ATAD2B: variants seen among roughly 807,000 people sequenced by gnomAD.
ATAD2B encodes the protein ATPase family AAA domain-containing protein 2B.
ATAD2B carries 40 observed loss-of-function variants against 167.6 expected under a neutral mutation model. That is an observed-to-expected ratio of 0.24 (90% confidence interval 0.19 to 0.31). The LOEUF is 0.31. ATAD2B is among the 10% of genes least tolerant of loss of function. The pLI is 1.00. For missense variants in ATAD2B, 1,242 were observed against 1,757.2 expected, an observed-to-expected ratio of 0.71 and a Z score of 5.24; for synonymous variants, 579 against 596.5, an observed-to-expected ratio of 0.97 and a Z score of 0.43.
chr2:23,698,675 G>A, the ATAD2B span, among the ~76,000 whole-genome samples: 1 of 152,070 alleles, frequency 6.6e-6, no homozygotes, highest in African/African-American at 2.4e-5. Flanking sequence ...ATAAATAACC[G>A]GGTCTAATAT....
intron 19 of ATAD2B, among the ~76,000 whole-genome samples, chr2:23,792,480 AAG>A (rs1218213363): frequency 6.6e-6 from 1 of 152,058 alleles, no homozygotes; most frequent in Non-Finnish European, 1.5e-5. Flanking sequence ...AAAAAAAAAA[AAG>A]AACTTAAGAT....
downstream of ATAD2B, among the ~76,000 whole-genome samples, chr2:23,743,856 G>A (rs964568483): frequency 6.6e-6 from 1 of 151,876 alleles, no homozygotes; most frequent in African/African-American, 2.4e-5. Flanking sequence ...TGAACTCCTG[G>A]GCTCAAGGAT....
intron 2 of ATAD2B, among the ~76,000 whole-genome samples, chr2:23,889,324 T>C (rs904360468): frequency 6.6e-6 from 1 of 151,928 alleles, no homozygotes. Flanking sequence ...CGTGCCACCA[T>C]GTCCGGCTAA....
intron 7 of ATAD2B, among the ~76,000 whole-genome samples, chr2:23,878,931 G>A (rs1697446716): frequency 6.6e-6 from 1 of 152,184 alleles, no homozygotes; most frequent in South Asian, 2.1e-4. Flanking sequence ...ATGAAAAGAT[G>A]CTCCAACACC....
chr2:23,691,371 C>T, the ATAD2B span: 1 of 427,320 alleles, frequency 2.3e-6, no homozygotes, highest in South Asian at 2.2e-5. Context: ...GTATTGTTTC[C>T]CTTTGAGGCC....
intron 1 of ATAD2B, among the ~76,000 whole-genome samples, chr2:23,916,387 C>G (rs1191476601): frequency 1.3e-5 from 2 of 152,148 alleles, no homozygotes; most frequent in African/African-American, 4.8e-5. Flanking sequence ...CTACCAAAAA[C>G]AAAACACAAT....
chr2:23,704,642 C>G, the ATAD2B span, among the ~76,000 whole-genome samples: 25 of 152,316 alleles, frequency 1.6e-4, no homozygotes, highest in African/African-American at 5.8e-4. Context: ...TGGCATGTGC[C>G]TGTAATCCCA....
intron 1 of ATAD2B, chr2:23,900,544 T>C (rs1205029714): frequency 1.3e-5 from 2 of 152,250 alleles, no homozygotes; most frequent in Non-Finnish European, 2.9e-5. Flanking sequence ...ATTAGAAATG[T>C]AGAATCTCAG....
chr2:23,863,349 A>C (rs763869203), intron 12 of ATAD2B, 32 bp downstream of exon 12: 1 of 1,542,148 alleles, frequency 6.5e-7, no homozygotes, highest in Non-Finnish European at 8.7e-7. Context: ...AACAGAACAG[A>C]AAAGACTCTT....
intron 13 of ATAD2B, among the ~76,000 whole-genome samples, chr2:23,843,408 A>G (rs1023404384): frequency 6.6e-6 from 1 of 152,256 alleles, no homozygotes; most frequent in Non-Finnish European, 1.5e-5. Context: ...TGTTGAAAGT[A>G]AAAGATACAG....
intron 20 of ATAD2B, chr2:23,788,296 G>T: frequency 1.9e-6 from 1 of 513,302 alleles, no homozygotes; most frequent in Non-Finnish European, 3.5e-6. Flanking sequence ...GAAGTCATAA[G>T]AAGAAGTCCT....
chr2:23,816,272 CTT>C (rs1686438066), intron 17 of ATAD2B, among the ~76,000 whole-genome samples: 1 of 152,148 alleles, frequency 6.6e-6, no homozygotes, highest in Non-Finnish European at 1.5e-5. Context: ...TGTATACACT[CTT>C]TGACACAGCA....
chr2:23,892,399 C>T (rs1699649892), intron 2 of ATAD2B, among the ~76,000 whole-genome samples: 1 of 151,856 alleles, frequency 6.6e-6, no homozygotes, highest in Non-Finnish European at 1.5e-5. Context: ...CTCCTGACCT[C>T]GTGATCCGCC....
the ATAD2B span, among the ~76,000 whole-genome samples, chr2:23,701,837 G>C: frequency 8.7e-6 from 1 of 114,556 alleles, no homozygotes; most frequent in African/African-American, 3.4e-5. Context: ...AGTTTTGCTC[G>C]TTGCCCAGGC....
intron 17 of ATAD2B, chr2:23,811,254 C>T (rs2149545710): frequency 6.6e-6 from 1 of 152,252 alleles, no homozygotes; most frequent in South Asian, 2.1e-4. Context: ...ACAGGCAGGG[C>T]CTTTAGGAGG....
At chr2:23,743,443 A>G in the ATAD2B span, among the ~76,000 whole-genome samples, 1 of 151,768 alleles carries the variant, frequency 6.6e-6, no homozygotes, top group African/African-American at 2.4e-5. Context: ...CATGCCTGTA[A>G]TCCCAGCTGC....
chr2:23,866,778 A>T (rs2150067515), intron 10 of ATAD2B, among the ~76,000 whole-genome samples: 1 of 152,338 alleles, frequency 6.6e-6, no homozygotes, highest in African/African-American at 2.4e-5. Flanking sequence ...CTATTTGATA[A>T]CTTATTTTAA....
Position 23,897,787 on chromosome 2 carries a change from G to A in ATAD2B, c.217-1817C>T, listed in dbSNP as rs951480446. 1.3e-4 allele frequency among the ~76,000 whole-genome samples: 19 copies of A among 151,964 alleles called. 1 individual carries two copies. Among genetic ancestry groups the A allele is most frequent in the Non-Finnish European group, 2.6e-4 (18 of 67,988 alleles). Reference sequence around the variant, plus strand: ...GCTTATTTTATACTTTCCCTCTCTGGCCCTAGATTAGCATTTCTCCAAGGG... The same window carrying A: ...GCTTATTTTATACTTTCCCTCTCTGACCCTAGATTAGCATTTCTCCAAGGG... On this transcript the variant is annotated intron_variant, in intron 1 of 27. Coordinates refer to ENST00000238789, the MANE Select transcript of ATAD2B (RefSeq NM_017552.4).
At chr2:23,885,414 C>T (rs1698521493) in intron 5 of ATAD2B, among the ~76,000 whole-genome samples, 1 of 152,176 alleles carries the variant, frequency 6.6e-6, no homozygotes, top group South Asian at 2.1e-4. Flanking sequence ...AGATCATCAA[C>T]ATCAAGGTGT....
Sources: gnomAD v4.1 joint callset for allele counts (sites outside exome capture counted in the v4.1 genomes callset) on GRCh38, gnomAD v4.1.1 for gene constraint, MANE v1.5 for transcripts, NCBI Gene and HGNC (gene_info 2026-07-23, HGNC 2026-07-21) for gene names.